Variants in ADGRL2 observed in about 807,000 individuals in gnomAD.
ADGRL2 encodes the protein adhesion G protein-coupled receptor L2, also known as calcium-independent alpha-latrotoxin receptor 2.
In ADGRL2, 44 loss-of-function variants were observed where a neutral mutation model predicts 157.4. That is an observed-to-expected ratio of 0.28 (90% confidence interval 0.22 to 0.36). The LOEUF is 0.36. Among genes scored for constraint, ADGRL2 ranks in the 10% least tolerant of loss-of-function variants. The probability of loss-of-function intolerance (pLI) is 1.00; values close to 1 mark genes in which losing one functional copy is unlikely to be tolerated. For missense variants in ADGRL2, 1,510 were observed against 1,768.9 expected, an observed-to-expected ratio of 0.85 and a Z score of 2.63; for synonymous variants, 585 against 624.7, an observed-to-expected ratio of 0.94 and a Z score of 0.95.
intron 3 of ADGRL2, among the ~76,000 whole-genome samples, chr1:81,583,089 A>T (rs950161863): frequency 5.9e-5 from 9 of 152,216 alleles, no homozygotes; most frequent in Non-Finnish European, 1.0e-4. Context: ...AGAAACTCCT[A>T]TACAAAAGAA....
At chr1:81,647,375 T>G (rs755618769) in intron 3 of ADGRL2, among the ~76,000 whole-genome samples, 1 of 152,132 alleles carries the variant, frequency 6.6e-6, no homozygotes, top group African/African-American at 2.4e-5. Flanking sequence ...AAATTTGAAA[T>G]CTGAAATGCT....
intron 2 of ADGRL2, among the ~76,000 whole-genome samples, chr1:81,500,358 A>G (rs2078820166): frequency 6.6e-6 from 1 of 152,330 alleles, no homozygotes; most frequent in Admixed American, 6.5e-5. Flanking sequence ...CCACAGTGTT[A>G]ATAGTGGCAT....
At chr1:81,976,913 T>A (rs1393813896) in intron 17 of ADGRL2, among the ~76,000 whole-genome samples, 1 of 151,950 alleles carries the variant, frequency 6.6e-6, no homozygotes, top group Non-Finnish European at 1.5e-5. Flanking sequence ...GTTAATTTAT[T>A]TATCTTCAAT....
intron 3 of ADGRL2, among the ~76,000 whole-genome samples, chr1:81,678,734 C>T (rs1429998421): frequency 1.3e-5 from 2 of 152,152 alleles, no homozygotes; most frequent in Non-Finnish European, 2.9e-5. Flanking sequence ...TTAAACAGTA[C>T]AGGCCTTTCT....
Position 81,329,760 on chromosome 1 carries a change from G to T in ADGRL2, c.-302+23251G>T, listed in dbSNP as rs947936674. On this transcript the variant is annotated intron_variant, in intron 1 of 24. Coordinates refer to the ADGRL2 transcript ENST00000370721. ...AACTTTGAGATGATAGGCATCTAAG[G>T]TTTCAGCAACTGTTATTTCCAAAGC... Among the ~76,000 whole-genome samples, 6 of 152,228 alleles carry T rather than the reference G, an allele frequency of 3.9e-5. 1 individual carries two copies. Among genetic ancestry groups the T allele is most frequent in the African/African-American group, 4.8e-5 (2 of 41,544 alleles).
intron 5 of ADGRL2, 29 bp downstream of exon 5, chr1:81,942,074 TC>T (rs1403106094): frequency 2.6e-6 from 2 of 764,694 alleles, no homozygotes; most frequent in African/African-American, 3.4e-5. Context: ...GAACCCCAGC[TC>T]CCTGTTATGT....
intron 3 of ADGRL2, among the ~76,000 whole-genome samples, chr1:81,921,089 A>G (rs146298355): frequency 0.017 from 2,553 of 152,250 alleles, 46 homozygotes; most frequent in South Asian, 0.062. Context: ...CAGACATTCT[A>G]ATGGCATTTT....
chr1:81,965,594 G>A (rs191558038), intron 11 of ADGRL2, among the ~76,000 whole-genome samples: 2 of 152,244 alleles, frequency 1.3e-5, no homozygotes, highest in African/African-American at 4.8e-5. Flanking sequence ...TTGTATAGAT[G>A]CCATAAAGTC....
chr1:81,887,867 C>A (rs1013717893), intron 2 of ADGRL2, among the ~76,000 whole-genome samples: 1 of 152,156 alleles, frequency 6.6e-6, no homozygotes, highest in African/African-American at 2.4e-5. Context: ...ATGATTAGTT[C>A]TCATTGTCAG....
chr1:81,901,331 T>A (rs1156780589), intron 2 of ADGRL2, among the ~76,000 whole-genome samples: 2 of 152,244 alleles, frequency 1.3e-5, no homozygotes, highest in Non-Finnish European at 2.9e-5. Context: ...AAAAAAACTA[T>A]TTTTCAAAGG....
chr1:81,350,642 C>T (rs1001681934), intron 1 of ADGRL2, among the ~76,000 whole-genome samples: 1 of 152,086 alleles, frequency 6.6e-6, no homozygotes, highest in Non-Finnish European at 1.5e-5. Context: ...CATAGTCTAC[C>T]AACGTAATGT....
chr1:81,843,136 C>A (rs1030635195), intron 2 of ADGRL2, among the ~76,000 whole-genome samples: 1 of 151,982 alleles, frequency 6.6e-6, no homozygotes, highest in African/African-American at 2.4e-5. Context: ...TTAAAAATTA[C>A]TATTATTATT....
chr1:81,707,440 G>A (rs1338294586), intron 1 of ADGRL2, among the ~76,000 whole-genome samples: 1 of 152,170 alleles, frequency 6.6e-6, no homozygotes, highest in Non-Finnish European at 1.5e-5. Context: ...AAAAGGCCTT[G>A]ATGATAATCC....
At chr1:81,506,747 CAAAACAAAAA>C (rs1431228831) in intron 2 of ADGRL2, among the ~76,000 whole-genome samples, 115 of 149,962 alleles carry the variant, frequency 7.7e-4, no homozygotes, top group African/African-American at 2.1e-3. Flanking sequence ...CAAAACAAAA[CAAAACAAAAA>C]ACCAGACAAT....
intron 3 of ADGRL2, among the ~76,000 whole-genome samples, chr1:81,927,756 C>CT (rs1354103047): frequency 1.3e-5 from 2 of 151,926 alleles, no homozygotes; most frequent in Non-Finnish European, 2.9e-5. Context: ...CAGAACACCT[C>CT]TTTTTTGCCA....
rs2078191676 is a variant in ADGRL2, at chr1:81,472,495, G to T, written c.-248+27406G>T. On this transcript the variant is annotated intron_variant, in intron 2 of 24. Coordinates refer to the ADGRL2 transcript ENST00000370721. ...AAATACAAAAAATTAGCCGGGGGTG[G>T]TGGCACACGCCTGTAATCCCAGCTA... 2.0e-5 allele frequency among the ~76,000 whole-genome samples: 3 copies of T among 152,292 alleles called. No homozygotes were observed. The South Asian group carries it at 6.2e-4, about 32-fold the overall frequency.
At position 81,939,906 on chromosome 1, in the gene ADGRL2, T is replaced by C. The variant is rs535027424; in HGVS notation, c.398-2128T>C. 2.0e-5 allele frequency among the ~76,000 whole-genome samples: 3 copies of C among 151,480 alleles called. No individual in the cohort carries two copies. The South Asian group carries it at 6.2e-4, about 31-fold the overall frequency. On this transcript the variant is annotated intron_variant, in intron 4 of 23. Transcript: ENST00000686636. Reference sequence around the variant, plus strand: ...TTTTCCTTATGTGATTCATTAATCATCAAAGGTTTATAATATTTTAAATCT... The same window carrying C: ...TTTTCCTTATGTGATTCATTAATCACCAAAGGTTTATAATATTTTAAATCT...
At chr1:81,638,692 G>A (rs1241233199) in intron 3 of ADGRL2, among the ~76,000 whole-genome samples, 1 of 152,138 alleles carries the variant, frequency 6.6e-6, no homozygotes, top group Non-Finnish European at 1.5e-5. Context: ...TAACTGATAT[G>A]CTGATAAAGG....
intron 2 of ADGRL2, among the ~76,000 whole-genome samples, chr1:81,513,312 A>G (rs1348545246): frequency 2.6e-5 from 4 of 152,134 alleles, no homozygotes; most frequent in Non-Finnish European, 5.9e-5. Context: ...TGAATAGACA[A>G]TGGGTGTTGT....
Sources: gnomAD v4.1 joint callset for allele counts (sites outside exome capture counted in the v4.1 genomes callset) on GRCh38, gnomAD v4.1.1 for gene constraint, MANE v1.5 for transcripts, NCBI Gene and HGNC (gene_info 2026-07-23, HGNC 2026-07-21) for gene names.